The following ZNF98 variants were observed in gnomAD, a reference collection of about 807,000 sequenced individuals.
ZNF98 encodes the protein zinc finger protein 739.
In ZNF98, 8 loss-of-function variants were observed where a neutral mutation model predicts 12.8. That is an observed-to-expected ratio of 0.63 (90% CI 0.37 to 1.13). The LOEUF (loss-of-function observed/expected upper bound fraction) is 1.13. ZNF98 is among the 50% of genes most tolerant of loss of function. The pLI is 0.01. For missense variants in ZNF98, 379 were observed against 666.1 expected (o/e 0.57, Z 4.74); for synonymous variants, 112 against 223.5 (o/e 0.50, Z 4.45).
intron 3 of ZNF98, among the ~76,000 whole-genome samples, chr19:22,396,614 C>CT (rs1248871079): frequency 3.3e-5 from 5 of 151,374 alleles, no homozygotes; most frequent in Admixed American, 2.6e-4. Context: ...CAAGATCCAA[C>CT]TTTTTTTTTC....
intron 1 of ZNF98, among the ~76,000 whole-genome samples, chr19:22,405,005 C>A (rs1433531403): frequency 1.3e-5 from 2 of 152,008 alleles, no homozygotes; most frequent in Admixed American, 1.3e-4. Flanking sequence ...AGGAAAGAAA[C>A]CTTCTTAATA....
At chr19:22,418,349 CAA>C (rs755921844) in intron 1 of ZNF98, among the ~76,000 whole-genome samples, 8 of 151,954 alleles carry the variant, frequency 5.3e-5, no homozygotes, top group Non-Finnish European at 1.0e-4. Flanking sequence ...ATATAACCCC[CAA>C]AAGAGTCAAA....
At chr19:22,403,967 T>A (rs536659641) in intron 1 of ZNF98, among the ~76,000 whole-genome samples, 3 of 152,392 alleles carry the variant, frequency 2.0e-5, no homozygotes, top group Middle Eastern at 3.4e-3. Flanking sequence ...ACGCCTGTAA[T>A]CCCAGCACTT....
intron 3 of ZNF98, among the ~76,000 whole-genome samples, chr19:22,394,669 T>C (rs1381297615): frequency 2.1e-5 from 3 of 142,724 alleles, no homozygotes; most frequent in Non-Finnish European, 4.5e-5. Flanking sequence ...GGGAACATCA[T>C]ACAACGGGGC....
rs117936002 is a variant in ZNF98 at position 22,405,203 on chromosome 19, A to G, written c.31-1691T>C. On this transcript the variant is annotated intron_variant, in intron 1 of 3. Transcript: ENST00000357774. ...ACATGTAGAAAAGTAAAGCTTTGCA[A>G]GTACTGAACATATGGCATTCTAGGA... 4.2e-3 allele frequency among the ~76,000 whole-genome samples: 633 copies of G among 151,334 alleles called. 6 individuals are homozygous for G. The highest frequency in any genetic ancestry group is 0.017 in the East Asian group (85 of 5,088).
chr19:22,403,271 C>CAAAA, intron 2 of ZNF98, 115 bp downstream of exon 2: 1 of 1,017,642 alleles, frequency 9.8e-7, no homozygotes, highest in Non-Finnish European at 1.3e-6. Context: ...AAAAAAAAAA[C>CAAAA]AAAAAAAAAA....
At chr19:22,414,120 A>C (rs1005944014) in intron 1 of ZNF98, among the ~76,000 whole-genome samples, 1 of 151,062 alleles carries the variant, frequency 6.6e-6, no homozygotes, top group East Asian at 2.0e-4. Context: ...CTGTAATCTC[A>C]GCTACTCGGG....
At position 22,405,559 on chromosome 19, in the gene ZNF98, A is replaced by C. The variant is rs1476560655; in HGVS notation, c.31-2047T>G. Among the ~76,000 whole-genome samples, 3 of 152,120 alleles carry C rather than the reference A, an allele frequency of 2.0e-5. No individual in the cohort carries two copies. The East Asian group carries it at 5.8e-4, about 29-fold the overall frequency. On this transcript the variant is annotated intron_variant, in intron 1 of 3. Coordinates refer to ENST00000357774, the MANE Select transcript of ZNF98 (RefSeq NM_001098626.2). ...AATGTGCTACTTAGCCGACAAAACCATGCTTTTTCCATGGAACTGTGCAAC... is the reference window on the plus strand; with the variant it reads ...AATGTGCTACTTAGCCGACAAAACCCTGCTTTTTCCATGGAACTGTGCAAC...
intron 3 of ZNF98, among the ~76,000 whole-genome samples, chr19:22,396,422 G>GTT (rs1969395184): frequency 6.6e-6 from 1 of 151,930 alleles, no homozygotes; most frequent in Non-Finnish European, 1.5e-5. Flanking sequence ...ATAAGTAAAA[G>GTT]CATATCAATA....
intron 1 of ZNF98, among the ~76,000 whole-genome samples, chr19:22,413,671 G>A (rs1307256222): frequency 6.6e-6 from 1 of 151,772 alleles, no homozygotes; most frequent in Non-Finnish European, 1.5e-5. Context: ...GAGAGTTCAA[G>A]ACCAGCCTGA....
chr19:22,394,091 A>G (rs556605087), intron 3 of ZNF98, among the ~76,000 whole-genome samples: 2,138 of 147,360 alleles, frequency 0.015, 48 homozygotes, highest in African/African-American at 0.051. Flanking sequence ...AAAAATGCTC[A>G]TCATCACTGG....
chr19:22,422,335 A>G lies in ZNF98; in HGVS notation c.-111T>C. On this transcript the variant is annotated 5_prime_UTR_variant, in exon 1 of 4. Coordinates refer to ENST00000357774, the MANE Select transcript of ZNF98 (RefSeq NM_001098626.2). ...GAGACCAGGAACTCCGGCTGCAGCG[A>G]GAGACAAAGACCCCGCCACATCCCG... 2 of 1,345,432 alleles carry G rather than the reference A, an allele frequency of 1.5e-6. No individual in the cohort carries two copies. The highest frequency in any genetic ancestry group is 1.2e-5 in the South Asian group (1 of 85,656). 83.3% of individuals were successfully genotyped at this position (1,345,432 alleles called of 1,614,324 possible).
At chr19:22,406,038 C>T (rs551270086) in intron 1 of ZNF98, among the ~76,000 whole-genome samples, 8 of 152,288 alleles carry the variant, frequency 5.3e-5, no homozygotes, top group African/African-American at 1.9e-4. Context: ...TTAGCTTTTC[C>T]TCCTGTTAGT....
intron 1 of ZNF98, among the ~76,000 whole-genome samples, chr19:22,421,664 T>C (rs1178704661): frequency 6.6e-6 from 1 of 152,230 alleles, no homozygotes; most frequent in Non-Finnish European, 1.5e-5. Flanking sequence ...ATTTTCATCA[T>C]GCATCTTTCC....
chr19:22,392,649 G>C lies in ZNF98; in HGVS notation c.586C>G (p.His196Asp). 1 of 1,590,216 alleles carries C rather than the reference G, an allele frequency of 6.3e-7. No homozygotes were observed. Among genetic ancestry groups the C allele is most frequent in the Middle Eastern group, 1.7e-4 (1 of 5,974 alleles). ...TGAATTCTTTTATGTTGAGCTAAGTGTGAAAGCATGCAAAATGACTTTTCA... is the reference window on the plus strand; with the variant it reads ...TGAATTCTTTTATGTTGAGCTAAGTCTGAAAGCATGCAAAATGACTTTTCA... Reference protein sequence around the residue: ...ECEKSFCMLSHLAQHKRIHSG... With the variant: ...ECEKSFCMLSDLAQHKRIHSG... Residue 196 changes from histidine (H) to aspartate (D), a missense_variant, in exon 4 of 4, where the codon CAC (histidine) becomes GAC (aspartate). By Grantham distance (81) the His-to-Asp change is moderately conservative. Coordinates refer to ENST00000357774, the MANE Select transcript of ZNF98 (RefSeq NM_001098626.2).
chr19:22,406,729 A>C (rs1969523547), intron 1 of ZNF98, among the ~76,000 whole-genome samples: 2 of 151,938 alleles, frequency 1.3e-5, no homozygotes, highest in Non-Finnish European at 2.9e-5. Flanking sequence ...AGGCAGAAGA[A>C]TGACGTGAAC....
chr19:22,411,132 TC>T (rs546119249), intron 1 of ZNF98, among the ~76,000 whole-genome samples: 159 of 152,296 alleles, frequency 1.0e-3, no homozygotes, highest in Non-Finnish European at 1.9e-3. Context: ...AACCTCTGCC[TC>T]CCAGGTTCAA....
intron 1 of ZNF98, among the ~76,000 whole-genome samples, chr19:22,414,232 C>CAAAAAAAAAAAAAAAAAAA (rs57966582): frequency 2.2e-5 from 2 of 89,392 alleles, no homozygotes; most frequent in East Asian, 3.2e-4. Context: ...GACTCCATCT[C>CAAAAAAAAAAAAAAAAAAA]AAAAAAAAAA....
intron 1 of ZNF98, among the ~76,000 whole-genome samples, chr19:22,408,301 T>G (rs1393614893): frequency 6.6e-6 from 1 of 152,092 alleles, no homozygotes; most frequent in Admixed American, 6.5e-5. Context: ...TATCTCAAAA[T>G]AGTAAGTGTG....
Sources: allele counts gnomAD v4.1 joint callset (sites outside exome capture counted in the v4.1 genomes callset), GRCh38; gene constraint gnomAD v4.1.1; transcripts MANE v1.5; gene names NCBI Gene and HGNC (gene_info 2026-07-23, HGNC 2026-07-21).